The following CNTNAP2 variants were observed in gnomAD, a reference collection of about 807,000 sequenced individuals.
The protein encoded by CNTNAP2 is contactin-associated protein-like 2.
Under a neutral mutation model 155.2 loss-of-function variants are expected in CNTNAP2, and 98 were observed. The observed-to-expected ratio is 0.63, with a 90% CI of 0.54 to 0.75. The LOEUF (loss-of-function observed/expected upper bound fraction) is 0.75, where lower values mean the gene tolerates loss of function less well. Ranked by LOEUF, CNTNAP2 falls within the 30% of genes least tolerant of loss-of-function variation. The pLI is 0.00. For missense variants in CNTNAP2, 1,727 were observed against 1,688.1 expected (o/e 1.02, Z -0.40); for synonymous variants, 651 against 631.2 (o/e 1.03, Z -0.47).
At chr7:147,965,984 T>C (rs1801202768) in intron 14 of CNTNAP2, among the ~76,000 whole-genome samples, 1 of 151,964 alleles carries the variant, frequency 6.6e-6, no homozygotes, top group South Asian at 2.1e-4. Flanking sequence ...CAGAGATGGG[T>C]AAAAGAAACC....
chr7:146,190,297 T>G (rs1798684212), intron 1 of CNTNAP2, among the ~76,000 whole-genome samples: 1 of 152,224 alleles, frequency 6.6e-6, no homozygotes, highest in South Asian at 2.1e-4. Context: ...GTTCTGGGCT[T>G]TATTCTTCTA....
At chr7:146,263,045 G>C (rs1471661312) in intron 1 of CNTNAP2, among the ~76,000 whole-genome samples, 1 of 152,148 alleles carries the variant, frequency 6.6e-6, no homozygotes, top group Non-Finnish European at 1.5e-5. Context: ...TTGGCCAGGC[G>C]TGGTGGCTCA....
chr7:148,194,994 T>G (rs1275182342), intron 18 of CNTNAP2, among the ~76,000 whole-genome samples: 2 of 152,198 alleles, frequency 1.3e-5, no homozygotes, highest in African/African-American at 4.8e-5. Context: ...AAGCCATGTC[T>G]CATATACTCA....
At chr7:147,037,552 C>A (rs535978908) in intron 3 of CNTNAP2, among the ~76,000 whole-genome samples, 5 of 151,178 alleles carry the variant, frequency 3.3e-5, no homozygotes, top group Admixed American at 2.6e-4. Flanking sequence ...ACCTCCACCT[C>A]CCAGGTTCAA....
chr7:148,165,291 C>A (rs1805632791), intron 17 of CNTNAP2, among the ~76,000 whole-genome samples: 1 of 152,130 alleles, frequency 6.6e-6, no homozygotes, highest in South Asian at 2.1e-4. Flanking sequence ...AACACCAGTT[C>A]TATTGGATTA....
chr7:146,547,222 TTTAA>T (rs1194683438), intron 1 of CNTNAP2, among the ~76,000 whole-genome samples: 1 of 152,024 alleles, frequency 6.6e-6, no homozygotes, highest in Non-Finnish European at 1.5e-5. Context: ...ATTTTGAGAC[TTTAA>T]TTAAGCCATA....
chr7:148,380,221 A>C (rs1401555451), intron 21 of CNTNAP2, among the ~76,000 whole-genome samples: 1 of 152,234 alleles, frequency 6.6e-6, no homozygotes, highest in Non-Finnish European at 1.5e-5. Context: ...CTTACAGTAA[A>C]TGATATTTTA....
chr7:148,037,610 C>T (rs1802595202), intron 15 of CNTNAP2, among the ~76,000 whole-genome samples: 1 of 152,192 alleles, frequency 6.6e-6, no homozygotes, highest in Non-Finnish European at 1.5e-5. Flanking sequence ...TCTGCAATTT[C>T]AGTTACCTGT....
chr7:147,255,303 C>A (rs1160798289), intron 8 of CNTNAP2, among the ~76,000 whole-genome samples: 3 of 152,160 alleles, frequency 2.0e-5, no homozygotes, highest in South Asian at 2.1e-4. Context: ...CTCACTGCAA[C>A]CTCCACCTCC....
intron 12 of CNTNAP2, among the ~76,000 whole-genome samples, chr7:147,617,535 G>C (rs910502302): frequency 1.3e-5 from 2 of 152,016 alleles, no homozygotes; most frequent in African/African-American, 2.4e-5. Flanking sequence ...GTCTAAAATA[G>C]TATCTGCATA....
chr7:147,925,354 A>G (rs1375523970), intron 14 of CNTNAP2, among the ~76,000 whole-genome samples: 3 of 151,936 alleles, frequency 2.0e-5, no homozygotes, highest in East Asian at 3.9e-4. Flanking sequence ...TGATCATTCA[A>G]CACAGGGTAG....
intron 1 of CNTNAP2, among the ~76,000 whole-genome samples, chr7:146,483,445 G>T (rs570741346): frequency 1.3e-5 from 2 of 149,396 alleles, no homozygotes; most frequent in South Asian, 2.1e-4. Flanking sequence ...ATTGCCAAAG[G>T]AAGAGTTCAA....
intron 12 of CNTNAP2, among the ~76,000 whole-genome samples, chr7:147,613,838 G>A (rs910596245): frequency 6.6e-5 from 10 of 152,064 alleles, no homozygotes; most frequent in African/African-American, 9.6e-5. Context: ...GTGAGACTCC[G>A]TTTCCAATAA....
intron 11 of CNTNAP2, among the ~76,000 whole-genome samples, chr7:147,510,850 C>CATATACATATATATATATAT (rs1799003880): frequency 1.3e-5 from 1 of 76,404 alleles, no homozygotes; most frequent in African/African-American, 6.2e-5. Context: ...GGCCTACAAC[C>CATATACATATATATATATAT]ATATATATAT....
chr7:146,727,789 G>C (rs35346551), intron 1 of CNTNAP2, among the ~76,000 whole-genome samples: 16,389 of 152,060 alleles, frequency 0.11, 1,559 homozygotes, highest in African/African-American at 0.25. Flanking sequence ...GATTTTATTC[G>C]CTCTGTAAAT....
intron 13 of CNTNAP2, among the ~76,000 whole-genome samples, chr7:147,692,713 T>C (rs1172392081): frequency 6.6e-6 from 1 of 152,118 alleles, no homozygotes; most frequent in Non-Finnish European, 1.5e-5. Flanking sequence ...TATTGTGTTT[T>C]AAGAGGGCTT....
At chr7:147,697,668 C>T (rs1020480305) in intron 13 of CNTNAP2, among the ~76,000 whole-genome samples, 8 of 152,148 alleles carry the variant, frequency 5.3e-5, no homozygotes, top group African/African-American at 9.7e-5. Context: ...AACCCCTTTA[C>T]GTGGCACAGG....
intron 3 of CNTNAP2, among the ~76,000 whole-genome samples, chr7:146,847,612 T>C (rs1375129331): frequency 2.0e-5 from 3 of 152,234 alleles, no homozygotes; most frequent in Admixed American, 6.5e-5. Context: ...ATTGGCTCTT[T>C]TCTTGAAAAT....
chr7:146,834,517 G>T (rs905722495), intron 2 of CNTNAP2, among the ~76,000 whole-genome samples: 1 of 152,080 alleles, frequency 6.6e-6, no homozygotes, highest in African/African-American at 2.4e-5. Context: ...GGATGGGAGG[G>T]GTGGGAAAGG....
Sources: allele counts gnomAD v4.1 joint callset (sites outside exome capture counted in the v4.1 genomes callset), GRCh38; gene constraint gnomAD v4.1.1; transcripts MANE v1.5; gene names NCBI Gene and HGNC (gene_info 2026-07-23, HGNC 2026-07-21).